The following ST8SIA6 variants were observed in gnomAD, a reference collection of about 807,000 sequenced individuals.
The protein encoded by ST8SIA6 is ST8 alpha-N-acetyl-neuraminide alpha-2,8-sialyltransferase 6.
In ST8SIA6, 39 loss-of-function variants were observed where a neutral mutation model predicts 33.6. The ratio of observed to expected loss-of-function variants is 1.16; its 90% CI spans 0.90 to 1.52. The LOEUF (loss-of-function observed/expected upper bound fraction) is 1.52. Ranked by LOEUF, ST8SIA6 falls within the 40% of genes most tolerant of loss-of-function variation. The pLI is 0.00. For synonymous variants in ST8SIA6, 172 were observed against 167.2 expected, an observed-to-expected ratio of 1.03 and a Z score of -0.22; for missense variants, 441 against 443.8, an observed-to-expected ratio of 0.99 and a Z score of 0.06.
chr10:17,439,037 T>C (rs1327193215), intron 2 of ST8SIA6, among the ~76,000 whole-genome samples: 1 of 152,236 alleles, frequency 6.6e-6, no homozygotes, highest in Non-Finnish European at 1.5e-5. Context: ...TGACATATTA[T>C]GGCAAATAAA....
intron 2 of ST8SIA6, among the ~76,000 whole-genome samples, chr10:17,440,309 A>G (rs11595354): frequency 0.39 from 58,428 of 150,836 alleles, 14,663 homozygotes; most frequent in African/African-American, 0.72. Context: ...GGGCTCAAGC[A>G]ATTCTCCTGC....
chr10:17,418,733 C>CTG (rs1851678259), intron 2 of ST8SIA6, among the ~76,000 whole-genome samples: 1 of 152,180 alleles, frequency 6.6e-6, no homozygotes, highest in Non-Finnish European at 1.5e-5. Flanking sequence ...TGGCTCATGC[C>CTG]TGTAATCCCA....
intron 2 of ST8SIA6, among the ~76,000 whole-genome samples, chr10:17,442,983 C>A (rs563791710): frequency 6.6e-6 from 1 of 152,160 alleles, no homozygotes; most frequent in Admixed American, 6.5e-5. Flanking sequence ...GACAAGGCTT[C>A]GACTTCCCAG....
In ST8SIA6 at chr10:17,319,028, A is replaced by G. The variant is rs971706319; in HGVS notation, c.*1850T>C. Reference sequence around the variant, plus strand: ...AACACACTGACTATGCTAGAAAGAGAGTAGGAGAGCTTCAAACAATGGCCA... The same window carrying G: ...AACACACTGACTATGCTAGAAAGAGGGTAGGAGAGCTTCAAACAATGGCCA... On this transcript the variant is annotated 3_prime_UTR_variant, in exon 8 of 8. Coordinates refer to ENST00000377602, the MANE Select transcript of ST8SIA6 (RefSeq NM_001004470.3). Among the ~76,000 whole-genome samples the G allele has an allele frequency of 2.0e-5, 3 of 152,158 alleles. No homozygotes were observed. Among genetic ancestry groups the G allele is most frequent in the African/African-American group, 7.2e-5 (3 of 41,454 alleles).
intron 3 of ST8SIA6, among the ~76,000 whole-genome samples, chr10:17,373,249 C>T (rs1052679190): frequency 1.3e-5 from 2 of 152,220 alleles, no homozygotes; most frequent in Non-Finnish European, 2.9e-5. Context: ...TGTGCACAAA[C>T]TGTCTTTGTG....
At chr10:17,333,715 ATATTTT>A (rs1259464838) in intron 4 of ST8SIA6, among the ~76,000 whole-genome samples, 16 of 35,396 alleles carry the variant, frequency 4.5e-4, no homozygotes, top group Admixed American at 2.1e-3. Context: ...ATATATATAT[ATATTTT>A]TTTTTTTTTT....
chr10:17,411,343 C>G (rs1349000696), intron 2 of ST8SIA6, among the ~76,000 whole-genome samples: 1 of 152,020 alleles, frequency 6.6e-6, no homozygotes, highest in African/African-American at 2.4e-5. Context: ...ACCACCACAC[C>G]CGGCTAATTT....
In ST8SIA6 at chr10:17,319,326, A is replaced by T. The variant is rs557106194; in HGVS notation, c.*1552T>A. Among the ~76,000 whole-genome samples the T allele has an allele frequency of 6.6e-6, 1 of 152,266 alleles. No individual in the cohort carries two copies. The highest frequency in any genetic ancestry group is 2.1e-4 in the South Asian group (1 of 4,826). ...CAGATTTGTAGATTAATTACCACCA[A>T]TTCTGACTATAACACACTTTATGAA... On this transcript the variant is annotated 3_prime_UTR_variant, in exon 8 of 8. Coordinates refer to ENST00000377602, the MANE Select transcript of ST8SIA6 (RefSeq NM_001004470.3).
At chr10:17,409,117 G>A (rs1045897155) in intron 2 of ST8SIA6, among the ~76,000 whole-genome samples, 7 of 152,072 alleles carry the variant, frequency 4.6e-5, no homozygotes, top group African/African-American at 1.7e-4. Context: ...TACCTTATCT[G>A]TATTCAGTGT....
At chr10:17,447,273 G>T (rs1411343677) in intron 2 of ST8SIA6, among the ~76,000 whole-genome samples, 2 of 151,818 alleles carry the variant, frequency 1.3e-5, no homozygotes, top group Non-Finnish European at 2.9e-5. Flanking sequence ...AGGTGCAGTG[G>T]TGTGGGCCTG....
intron 7 of ST8SIA6, among the ~76,000 whole-genome samples, chr10:17,321,634 C>G (rs556381588): frequency 6.6e-6 from 1 of 152,042 alleles, no homozygotes; most frequent in African/African-American, 2.4e-5. Flanking sequence ...TATTCTTATT[C>G]GTTAATTTTT....
chr10:17,341,195 G>A (rs991542240), intron 4 of ST8SIA6, among the ~76,000 whole-genome samples: 12 of 152,290 alleles, frequency 7.9e-5, no homozygotes, highest in Non-Finnish European at 1.6e-4. Context: ...GCTACAAAGG[G>A]AAGACAGAGA....
chr10:17,322,657 C>T (rs1175247045), intron 7 of ST8SIA6, among the ~76,000 whole-genome samples: 3 of 152,074 alleles, frequency 2.0e-5, no homozygotes, highest in African/African-American at 4.8e-5. Context: ...GTAATAAACT[C>T]TAACTTGATA....
chr10:17,430,195 G>A (rs1020943018), intron 2 of ST8SIA6, among the ~76,000 whole-genome samples: 1 of 152,070 alleles, frequency 6.6e-6, no homozygotes, highest in Non-Finnish European at 1.5e-5. Flanking sequence ...AATAATGGCC[G>A]CCAGCTCCAT....
intron 2 of ST8SIA6, among the ~76,000 whole-genome samples, chr10:17,453,190 A>T (rs1333248985): frequency 2.7e-5 from 4 of 147,426 alleles, no homozygotes; most frequent in African/African-American, 7.5e-5. Flanking sequence ...GAAAAGAAAA[A>T]GCAAACCAAC....
intron 3 of ST8SIA6, among the ~76,000 whole-genome samples, chr10:17,370,064 T>C (rs1849683800): frequency 6.6e-6 from 1 of 151,696 alleles, no homozygotes. Flanking sequence ...CACTGCAAGC[T>C]CCGCCTCCTG....
rs376662182 is a variant in ST8SIA6, at chr10:17,390,670, A to G, written c.201-50T>C. ...AAAGATTGATTTAAAATGAGAGCTTATAAGATATTGTTAACAAAAATCAGA... is the reference window on the plus strand; with the variant it reads ...AAAGATTGATTTAAAATGAGAGCTTGTAAGATATTGTTAACAAAAATCAGA... On this transcript the variant is annotated intron_variant, in intron 2 of 7. Transcript: ENST00000377602. 157 of 1,456,858 alleles carry G rather than the reference A, an allele frequency of 1.1e-4. 1 individual carries two copies. In the African/African-American group the frequency reaches 2.0e-3, roughly 19 times the overall value. The allele number at this position is 1,456,858 out of a possible 1,614,324, so 90.2% of individuals were successfully genotyped here. A position where few individuals can be genotyped will look rare whatever the true frequency, so the allele number is the denominator to read the frequency against.
intron 2 of ST8SIA6, among the ~76,000 whole-genome samples, chr10:17,421,011 C>G (rs536357409): frequency 6.6e-6 from 1 of 152,080 alleles, no homozygotes; most frequent in Non-Finnish European, 1.5e-5. Context: ...GGTGAAATCG[C>G]GAGAACAGCA....
At chr10:17,325,555 G>C (rs1314777515) in intron 6 of ST8SIA6, among the ~76,000 whole-genome samples, 1 of 151,422 alleles carries the variant, frequency 6.6e-6, no homozygotes, top group Non-Finnish European at 1.5e-5. Context: ...AGTATATATA[G>C]TCATTGCCTA....
Sources: gnomAD v4.1 joint callset for allele counts (sites outside exome capture counted in the v4.1 genomes callset) on GRCh38, gnomAD v4.1.1 for gene constraint, MANE v1.5 for transcripts, NCBI Gene and HGNC (gene_info 2026-07-23, HGNC 2026-07-21) for gene names.